VMA21: variants seen among roughly 807,000 people sequenced by gnomAD.
VMA21 encodes vacuolar ATPase assembly integral membrane protein VMA21.
For synonymous variants in VMA21, 47 were observed against 34.1 expected, an observed-to-expected ratio of 1.38 and a Z score of -1.32; for missense variants, 61 against 80.6, an observed-to-expected ratio of 0.76 and a Z score of 0.93.
At chrX:151,397,491 C>A in intron 1 of VMA21, 130 bp downstream of exon 1, 1 of 740,556 alleles carries the variant, frequency 1.4e-6, no homozygotes. Flanking sequence ...GGGAAGGGGG[C>A]GGGGAAAGCA....
At position 151,403,283 on chromosome X, in the gene VMA21, C is replaced by T. The variant is rs2011252761; in HGVS notation, c.54-348C>T. Among the ~76,000 whole-genome samples, 5 of 111,820 alleles carry T rather than the reference C, an allele frequency of 4.5e-5. No homozygotes were observed. The Admixed American group carries it at 4.7e-4, about 10-fold the overall frequency. On this transcript the variant is annotated intron_variant, in intron 1 of 2. Coordinates refer to ENST00000330374, the MANE Select transcript of VMA21 (RefSeq NM_001017980.4). Reference sequence around the variant, plus strand: ...GTTGGGCACTGGTGCCGCTGTCCGCCGTGGCTTCCCTGGGTAAAAGCTCCA... The same window carrying T: ...GTTGGGCACTGGTGCCGCTGTCCGCTGTGGCTTCCCTGGGTAAAAGCTCCA...
intron 1 of VMA21, among the ~76,000 whole-genome samples, chrX:151,402,199 T>G (rs1202582489): frequency 8.9e-6 from 1 of 112,249 alleles, no homozygotes; most frequent in Non-Finnish European, 1.9e-5. Context: ...GTATTGGTTT[T>G]GTTTGTTTGT....
chrX:151,403,432 T>C (rs913088038), intron 1 of VMA21, among the ~76,000 whole-genome samples, 199 bp from the exon 2 acceptor site: 5 of 112,600 alleles, frequency 4.4e-5, no homozygotes, highest in Non-Finnish European at 9.4e-5. Flanking sequence ...CTAAAGGTGG[T>C]GTATAATCTT....
At chrX:151,403,515 T>C in intron 1 of VMA21, 116 bp from the exon 2 acceptor site, 1 of 595,878 alleles carries the variant, frequency 1.7e-6, no homozygotes, top group Non-Finnish European at 2.9e-6. Context: ...AGTCCCTGCC[T>C]GTGATCTTCC....
chrX:151,403,594 G>A, intron 1 of VMA21, 37 bp from the exon 2 acceptor site: 3 of 1,017,510 alleles, frequency 2.9e-6, no homozygotes, highest in Non-Finnish European at 2.8e-6. Context: ...ATATGACTGT[G>A]CAGGTTCTGA....
At chrX:151,398,131 C>T (rs1170675591) in intron 1 of VMA21, among the ~76,000 whole-genome samples, 1 of 108,567 alleles carries the variant, frequency 9.2e-6, no homozygotes, top group African/African-American at 3.4e-5. Context: ...CCAAAGCCCA[C>T]GATCTTTGGA....
At chrX:151,400,924 T>G (rs937733650) in intron 1 of VMA21, among the ~76,000 whole-genome samples, 3 of 112,576 alleles carry the variant, frequency 2.7e-5, no homozygotes, top group African/African-American at 9.7e-5. Flanking sequence ...CTTTATAAAT[T>G]TTGGGGTATT....
intron 1 of VMA21, among the ~76,000 whole-genome samples, chrX:151,402,704 C>G (rs1415418320): frequency 1.8e-5 from 2 of 112,822 alleles, no homozygotes; most frequent in African/African-American, 6.4e-5. Context: ...GTCCGTTCGC[C>G]CTGCCTACCT....
rs765447130 is a variant in VMA21, at chrX:151,404,938, G to A, written c.186G>A (p.Arg62=). The A allele has an allele frequency of 2.2e-5, 27 of 1,207,600 alleles. No homozygotes were observed. In the South Asian group the frequency reaches 4.8e-4, roughly 21 times the overall value. ...TAGGCGCCCTTGGGATGTCCAATAG[G>A]GACAGCTATTTTTACGCTGCTATTG... The part of the protein sequence containing the change: ...IFEGALGMSN[R]DSYFYAAIVA... The change falls in exon 3 of 3, where the codon AGG becomes AGA. Residue 62 remains arginine, a synonymous_variant. Transcript: ENST00000330374.
chrX:151,400,347 A>AT (rs202089379), intron 1 of VMA21, among the ~76,000 whole-genome samples: 2 of 25,065 alleles, frequency 8.0e-5, no homozygotes, highest in Non-Finnish European at 1.7e-4. Context: ...TTTACTTAAC[A>AT]TGTCTTCCAG....
rs889868106 is a variant in VMA21 at position 151,405,120 on chromosome X, G to A, written c.*62G>A. 6.9e-6 allele frequency: 8 copies of A among 1,154,644 alleles called. No homozygotes were observed. In the Admixed American group the frequency reaches 1.6e-4, roughly 22 times the overall value. ...TTTAAAATGATAAATGCTGGAGGGG[G>A]CCATCTGATTTGAATAAAGTTGAAA... is the stretch of plus-strand genomic sequence containing the variant. On this transcript the variant is annotated 3_prime_UTR_variant, in exon 3 of 3. Coordinates refer to ENST00000330374, the MANE Select transcript of VMA21 (RefSeq NM_001017980.4).
intron 1 of VMA21, among the ~76,000 whole-genome samples, chrX:151,399,985 T>C (rs1016077032): frequency 1.8e-5 from 2 of 111,663 alleles, no homozygotes; most frequent in African/African-American, 3.3e-5. Context: ...GTAAAATGAT[T>C]ACTATGGTGA....
chrX:151,396,980 G>A (rs936571084), upstream of VMA21: 13 of 520,773 alleles, frequency 2.5e-5, no homozygotes, highest in African/African-American at 1.4e-4. Context: ...TCAACGTGGA[G>A]TGGCTGGGCT....
chrX:151,402,698 G>A (rs1327507306), intron 1 of VMA21, among the ~76,000 whole-genome samples: 2 of 112,757 alleles, frequency 1.8e-5, no homozygotes, highest in Non-Finnish European at 3.7e-5. Context: ...GCACTGGTCC[G>A]TTCGCCCTGC....
Position 151,405,126 on chromosome X carries a change from T to G in VMA21, c.*68T>G. 8.7e-7 allele frequency: 1 copy of G among 1,145,425 alleles called. No individual in the cohort carries two copies. Among genetic ancestry groups the G allele is most frequent in the Non-Finnish European group, 1.2e-6 (1 of 845,019 alleles). The allele number at this position is 1,145,425 out of a possible 1,213,427, so 94.4% of individuals were successfully genotyped here. A position where few individuals can be genotyped will look rare whatever the true frequency, so the allele number is the denominator to read the frequency against. On this transcript the variant is annotated 3_prime_UTR_variant, in exon 3 of 3. Transcript: ENST00000330374. ...ATGATAAATGCTGGAGGGGGCCATC[T>G]GATTTGAATAAAGTTGAAAGAACAT... is the stretch of plus-strand genomic sequence containing the variant.
upstream of VMA21, chrX:151,396,732 A>C: frequency 2.3e-6 from 1 of 430,794 alleles, no homozygotes; most frequent in South Asian, 3.6e-5. Flanking sequence ...TATTTGCTCA[A>C]GTAGTGGCGA....
At chrX:151,400,026 C>T (rs1251556737) in intron 1 of VMA21, among the ~76,000 whole-genome samples, 1 of 111,349 alleles carries the variant, frequency 9.0e-6, no homozygotes, top group East Asian at 2.8e-4. Context: ...ATCTCACATA[C>T]TTTTGTGTGT....
chrX:151,397,033 G>T (rs753376606), upstream of VMA21: 9 of 502,220 alleles, frequency 1.8e-5, no homozygotes, highest in East Asian at 3.0e-4. Flanking sequence ...CTCCTGGCAG[G>T]GCGCACGCCG....
At chrX:151,402,342 C>T (rs2011243417) in intron 1 of VMA21, among the ~76,000 whole-genome samples, 1 of 111,567 alleles carries the variant, frequency 9.0e-6, no homozygotes, top group African/African-American at 3.3e-5. Flanking sequence ...CCACCACTCT[C>T]AGCTAATTTT....
Sources: allele counts gnomAD v4.1 joint callset (sites outside exome capture counted in the v4.1 genomes callset), GRCh38; gene constraint gnomAD v4.1.1; transcripts MANE v1.5; gene names NCBI Gene and HGNC (gene_info 2026-07-23, HGNC 2026-07-21).